Variants in GRK5 observed in about 807,000 individuals in gnomAD.
GRK5 encodes g protein-coupled receptor kinase GRK5.
GRK5 carries 40 observed loss-of-function variants against 78.4 expected under a neutral mutation model. That is an observed-to-expected ratio of 0.51 (90% CI 0.40 to 0.66). The LOEUF (loss-of-function observed/expected upper bound fraction) is 0.66. GRK5 is among the 30% of genes least tolerant of loss of function. The pLI, the probability that GRK5 is intolerant of heterozygous loss-of-function variation, is 0.00. For missense variants in GRK5, 598 were observed against 759.9 expected (o/e 0.79, Z 2.50); for synonymous variants, 289 against 296.8 (o/e 0.97, Z 0.27).
intron 1 of GRK5, among the ~76,000 whole-genome samples, chr10:119,216,281 G>T (rs1262914141): frequency 2.6e-5 from 4 of 152,212 alleles, no homozygotes; most frequent in African/African-American, 9.6e-5. Flanking sequence ...TTTTAAAAAG[G>T]TAATGATGAA....
intron 4 of GRK5, among the ~76,000 whole-genome samples, chr10:119,400,091 T>G (rs1589788689): frequency 6.6e-6 from 1 of 152,354 alleles, no homozygotes; most frequent in Non-Finnish European, 1.5e-5. Context: ...CTTGTCAGAG[T>G]CCGTTGGCCT....
chr10:119,421,718 C>T (rs1411910956), intron 4 of GRK5, among the ~76,000 whole-genome samples: 3 of 152,218 alleles, frequency 2.0e-5, no homozygotes. Flanking sequence ...GTCACAGCAG[C>T]TCGCATCCAC....
chr10:119,299,433 A>T (rs1488789540), intron 1 of GRK5, among the ~76,000 whole-genome samples: 1 of 64,906 alleles, frequency 1.5e-5, no homozygotes, highest in Non-Finnish European at 3.4e-5. Flanking sequence ...ACTCCAGCTC[A>T]AAAAAAAAAA....
chr10:119,302,164 T>G (rs1190223946), intron 1 of GRK5, among the ~76,000 whole-genome samples: 2 of 152,226 alleles, frequency 1.3e-5, no homozygotes, highest in Non-Finnish European at 2.9e-5. Flanking sequence ...CATTTACTGC[T>G]TCCAGAATCC....
At position 119,378,670 on chromosome 10, in the gene GRK5, C is replaced by T. The variant is rs1335782644; in HGVS notation, c.149-2145C>T. On this transcript the variant is annotated intron_variant, in intron 2 of 15. Coordinates refer to ENST00000392870, the MANE Select transcript of GRK5 (RefSeq NM_005308.3). This position sits in a 1 kb window ranked among gnomAD's most constrained non-coding sequence, Gnocchi z 4.5. ...CCGCTCATCTCCGCTTGTGTGCGGG[C>T]TGCGCCTCCGTGGGCTCTCGCTGCG... Among the ~76,000 whole-genome samples, 1 of 79,778 alleles carries T rather than the reference C, an allele frequency of 1.3e-5. No individual in the cohort carries two copies. Among genetic ancestry groups the T allele is most frequent in the Admixed American group, 9.3e-5 (1 of 10,770 alleles). The allele number at this position is 79,778 out of a possible 152,430, so 52.3% of individuals were successfully genotyped here. A position where few individuals can be genotyped will look rare whatever the true frequency, so the allele number is the denominator to read the frequency against.
intron 2 of GRK5, among the ~76,000 whole-genome samples, chr10:119,331,236 C>T (rs1054677266): frequency 1.2e-4 from 19 of 152,184 alleles, no homozygotes; most frequent in African/African-American, 4.3e-4. Context: ...TGCGTGCTGG[C>T]GTGTGGAAAT....
At chr10:119,292,133 CCTCCTT>C (rs140782723) in intron 1 of GRK5, among the ~76,000 whole-genome samples, 47,731 of 65,802 alleles carry the variant, frequency 0.73, 19,030 homozygotes, top group East Asian at 0.91. Flanking sequence ...TCCTCATCTT[CCTCCTT>C]CTCCTCCTCT....
At chr10:119,402,583 T>C (rs1110296) in intron 4 of GRK5, among the ~76,000 whole-genome samples, 67,616 of 152,140 alleles carry the variant, frequency 0.44, 15,707 homozygotes, top group East Asian at 0.61. Context: ...CCGGGTGCAG[T>C]GTCTCACACC....
In GRK5 at chr10:119,380,822, T is replaced by G. The variant is rs150876579; in HGVS notation, c.156T>G (p.Asp52Glu). 1.9e-5 allele frequency: 31 copies of G among 1,606,398 alleles called. No individual in the cohort carries two copies. The highest frequency in any genetic ancestry group is 2.5e-5 in the Non-Finnish European group (29 of 1,173,248). Residue 52 changes from aspartate to glutamate, a missense_variant, in exon 3 of 16, where the codon GAT becomes GAG. Physicochemically the swap from Asp to Glu is conservative, Grantham distance 45. Coordinates refer to ENST00000392870, the MANE Select transcript of GRK5 (RefSeq NM_005308.3). ...TTCTTTTCTTGTCTCCAGACAGAGA[T>G]TACTGCAGTTTATGTGACAAGCAGC... ...CEDLRRTIDR[D>E]YCSLCDKQPI... is the part of the protein sequence containing the mutation.
chr10:119,439,345 A>G (rs1052578639), intron 9 of GRK5, among the ~76,000 whole-genome samples: 6 of 152,110 alleles, frequency 3.9e-5, no homozygotes, highest in Admixed American at 2.0e-4. Context: ...TCTCTTCCCA[A>G]TTGCACAGCT....
chr10:119,429,620 A>G (rs867759), intron 6 of GRK5, among the ~76,000 whole-genome samples: 18,266 of 151,084 alleles, frequency 0.12, 2,312 homozygotes, highest in African/African-American at 0.31. Flanking sequence ...AATGTCATAA[A>G]TGGCTTTGGC....
At chr10:119,444,519 G>A (rs1446938013) in intron 12 of GRK5, among the ~76,000 whole-genome samples, 2 of 152,152 alleles carry the variant, frequency 1.3e-5, no homozygotes, top group Non-Finnish European at 2.9e-5. Context: ...GCTGCTGCCT[G>A]GCTCTCAGCC....
chr10:119,316,775 G>A (rs969729801), intron 1 of GRK5, among the ~76,000 whole-genome samples: 1 of 152,166 alleles, frequency 6.6e-6, no homozygotes, highest in Non-Finnish European at 1.5e-5. Flanking sequence ...AGGCCTCAGT[G>A]TCTGGAGTTT....
chr10:119,391,214 C>T (rs1197463290), intron 3 of GRK5, among the ~76,000 whole-genome samples: 1 of 152,266 alleles, frequency 6.6e-6, no homozygotes, highest in African/African-American at 2.4e-5. Flanking sequence ...GAGGGCCGCT[C>T]AGATGGGAGC....
rs891984737 is a variant in GRK5 at position 119,452,261 on chromosome 10, A to G, written c.1405-410A>G. 6.6e-6 allele frequency among the ~76,000 whole-genome samples: 1 copy of G among 152,196 alleles called. No individual in the cohort carries two copies. Among genetic ancestry groups the G allele is most frequent in the Non-Finnish European group, 1.5e-5 (1 of 68,030 alleles). ...GATATGAGACTTCCCCAAAGTTCCT[A>G]AGCCCCACAGCTGGGACTCTAGCCC... On this transcript the variant is annotated intron_variant, in intron 13 of 15. Coordinates refer to ENST00000392870, the MANE Select transcript of GRK5 (RefSeq NM_005308.3). This position sits in a 1 kb window ranked among gnomAD's most constrained non-coding sequence, Gnocchi z 4.4.
At position 119,455,025 on chromosome 10, in the gene GRK5, A is replaced by G; in HGVS notation, c.1731A>G (p.Ile577Met). The G allele has an allele frequency of 6.2e-7, 1 of 1,614,118 alleles. No homozygotes were observed. Among genetic ancestry groups the G allele is most frequent in the East Asian group, 2.2e-5 (1 of 44,888 alleles). Residue 577 changes from isoleucine (I) to methionine (M), a missense_variant, in exon 16 of 16, where the codon ATA becomes ATG. By Grantham distance (10) the Ile-to-Met change is conservative. Coordinates refer to ENST00000392870, the MANE Select transcript of GRK5 (RefSeq NM_005308.3). The stretch of plus-strand genomic sequence containing the variant: ...CCAAGACCAGTTTTAACCACCACAT[A>G]AACTCAAACCATGTCAGCTCGAACT... ...PSSKTSFNHH[I>M]NSNHVSSNST...
At chr10:119,260,247 C>T (rs1321630524) in intron 1 of GRK5, among the ~76,000 whole-genome samples, 4 of 152,136 alleles carry the variant, frequency 2.6e-5, no homozygotes, top group African/African-American at 7.2e-5. Flanking sequence ...GTGATCCACC[C>T]GCCTCGGCCT....
At chr10:119,339,073 A>G (rs1850940128) in intron 2 of GRK5, among the ~76,000 whole-genome samples, 1 of 152,186 alleles carries the variant, frequency 6.6e-6, no homozygotes, top group East Asian at 1.9e-4. Context: ...CCAGCTTTGC[A>G]CTTGCATCCA....
Position 119,267,879 on chromosome 10 carries a change from G to C in GRK5, c.53-58637G>C, listed in dbSNP as rs1385213287. On this transcript the variant is annotated intron_variant, in intron 1 of 15. Transcript: ENST00000392870. The surrounding 1 kb of genome is among the most constrained non-coding windows in gnomAD (Gnocchi z 4.1). Reference sequence around the variant, plus strand: ...CTCCCCACCCCCCACAGCCCAGCCAGGTCCAAAACCCTACATGCTGCCTCA... The same window carrying C: ...CTCCCCACCCCCCACAGCCCAGCCACGTCCAAAACCCTACATGCTGCCTCA... Among the ~76,000 whole-genome samples, 1 of 152,116 alleles carries C rather than the reference G, an allele frequency of 6.6e-6. No individual in the cohort carries two copies. The highest frequency in any genetic ancestry group is 1.5e-5 in the Non-Finnish European group (1 of 68,020).
Sources: allele counts gnomAD v4.1 joint callset (sites outside exome capture counted in the v4.1 genomes callset), GRCh38; gene constraint gnomAD v4.1.1; non-coding constraint Gnocchi (gnomAD v3.1); transcripts MANE v1.5; gene names NCBI Gene and HGNC (gene_info 2026-07-23, HGNC 2026-07-21).